ARHGEF11: variants seen among roughly 807,000 people sequenced by gnomAD.
ARHGEF11 encodes the protein Rho guanine nucleotide exchange factor 11.
Under a neutral mutation model 193.7 loss-of-function variants are expected in ARHGEF11, and 55 were observed. The observed-to-expected ratio is 0.28, with a 90% CI of 0.23 to 0.36. ARHGEF11 has a LOEUF of 0.36. Ranked by LOEUF, ARHGEF11 falls within the 10% of genes least tolerant of loss-of-function variation. The pLI, the probability that ARHGEF11 is intolerant of heterozygous loss-of-function variation, is 1.00. For synonymous variants in ARHGEF11, 693 were observed against 768.0 expected (o/e 0.90, Z 1.62); for missense variants, 1,723 against 2,005.6 (o/e 0.86, Z 2.69).
intron 30 of ARHGEF11, among the ~76,000 whole-genome samples, 193 bp downstream of exon 30, chr1:156,944,826 G>A (rs1463836913): frequency 6.6e-6 from 1 of 152,204 alleles, no homozygotes; most frequent in Non-Finnish European, 1.5e-5. Flanking sequence ...TCTTTCTTAG[G>A]TGGGGCGGCC....
At chr1:157,017,752 A>G (rs149610785) in intron 1 of ARHGEF11, among the ~76,000 whole-genome samples, 1 of 151,774 alleles carries the variant, frequency 6.6e-6, no homozygotes, top group East Asian at 1.9e-4. Flanking sequence ...AGAGGATTTA[A>G]TAATTTCTTT....
chr1:156,991,679 T>G (rs1665725566), intron 1 of ARHGEF11, among the ~76,000 whole-genome samples: 1 of 151,378 alleles, frequency 6.6e-6, no homozygotes, highest in African/African-American at 2.4e-5. Context: ...ATATTTGTAC[T>G]GAATTTTAGG....
chr1:156,985,570 C>A (rs566335523), intron 2 of ARHGEF11, among the ~76,000 whole-genome samples: 1 of 151,928 alleles, frequency 6.6e-6, no homozygotes, highest in Admixed American at 6.6e-5. Context: ...ACTACAGGCA[C>A]GCACCACCAC....
At chr1:156,942,295 A>C (rs1382024630) in intron 33 of ARHGEF11, among the ~76,000 whole-genome samples, 11 of 152,250 alleles carry the variant, frequency 7.2e-5, no homozygotes, top group Admixed American at 7.2e-4. Flanking sequence ...GTTGGGAAAC[A>C]GTCTGACTCA....
chr1:157,002,425 C>G (rs1166610147), intron 1 of ARHGEF11, among the ~76,000 whole-genome samples: 4 of 152,180 alleles, frequency 2.6e-5, no homozygotes, highest in African/African-American at 9.7e-5. Flanking sequence ...CTCTAGTGCT[C>G]CAAACAGCCC....
intron 3 of ARHGEF11, among the ~76,000 whole-genome samples, chr1:156,982,688 C>T (rs757316196): frequency 6.6e-6 from 1 of 152,186 alleles, no homozygotes; most frequent in Non-Finnish European, 1.5e-5. Context: ...GAGAGCTGAA[C>T]CTTGACTTCA....
At position 156,939,786 on chromosome 1, in the gene ARHGEF11, G is replaced by A. The variant is rs1168948661; in HGVS notation, c.3858C>T (p.His1286=). ...GCCCTGGGGAGCCTGGGTCCCAGGG[G>A]TGAGAGGTGACGCTGATGACAGAAG... ...PTPSVISVTS[H]PWDPGSPGQA... The change falls in exon 37 of 41, where the codon CAC becomes CAT. Residue 1286 remains histidine, a synonymous_variant. Transcript: ENST00000368194. 6.2e-7 allele frequency: 1 copy of A among 1,613,970 alleles called. No individual in the cohort carries two copies. The highest frequency in any genetic ancestry group is 1.7e-5 in the Admixed American group (1 of 60,002).
chr1:156,951,391 C>T (rs768963792), intron 22 of ARHGEF11, among the ~76,000 whole-genome samples, 182 bp downstream of exon 22: 1 of 152,168 alleles, frequency 6.6e-6, no homozygotes, highest in Non-Finnish European at 1.5e-5. Context: ...TGCTCTTCCA[C>T]TGGCCTGTTC....
intron 1 of ARHGEF11, among the ~76,000 whole-genome samples, chr1:157,042,356 G>A (rs1352933221): frequency 6.6e-6 from 1 of 152,174 alleles, no homozygotes; most frequent in Non-Finnish European, 1.5e-5. Context: ...AGAGAAAGGA[G>A]AAAACGGTGC....
intron 32 of ARHGEF11, 107 bp from the exon 33 acceptor site, chr1:156,942,887 AGAT>A (rs1657335531): frequency 9.2e-6 from 8 of 871,128 alleles, no homozygotes; most frequent in Non-Finnish European, 1.5e-5. Context: ...CCCTCAACGC[AGAT>A]GGAGAGTGCA....
intron 1 of ARHGEF11, among the ~76,000 whole-genome samples, chr1:157,002,059 G>A (rs549427561): frequency 1.3e-5 from 2 of 152,242 alleles, no homozygotes; most frequent in East Asian, 1.9e-4. Context: ...GAAGCGGGGC[G>A]GTGAAATGAT....
chr1:156,995,767 C>A (rs559089482), intron 1 of ARHGEF11, among the ~76,000 whole-genome samples: 1 of 149,396 alleles, frequency 6.7e-6, no homozygotes, highest in African/African-American at 2.5e-5. Context: ...TGGTCTCAAA[C>A]TCCTGGGCAC....
intron 11 of ARHGEF11, among the ~76,000 whole-genome samples, chr1:156,965,997 G>A (rs1043119599): frequency 6.6e-5 from 10 of 152,162 alleles, no homozygotes; most frequent in African/African-American, 2.2e-4. Context: ...TGCCTACAGA[G>A]ATAAAGCATA....
chr1:156,967,161 A>T (rs1661783941), intron 11 of ARHGEF11, among the ~76,000 whole-genome samples: 1 of 152,238 alleles, frequency 6.6e-6, no homozygotes. Context: ...TTTACAGTGT[A>T]TCATGATGCT....
At chr1:157,007,630 C>CGTACGATTTTTGGTTGAG (rs1667986899) in intron 1 of ARHGEF11, among the ~76,000 whole-genome samples, 1 of 152,052 alleles carries the variant, frequency 6.6e-6, no homozygotes, top group Admixed American at 6.6e-5. Flanking sequence ...ACAAGGCTAC[C>CGTACGATTTTTGGTTGAG]GTACGATTTT....
At chr1:157,037,610 G>A (rs924161348) in intron 1 of ARHGEF11, among the ~76,000 whole-genome samples, 3 of 152,096 alleles carry the variant, frequency 2.0e-5, no homozygotes, top group African/African-American at 7.2e-5. Flanking sequence ...CTCTGCCTTT[G>A]ACTATTCTTA....
chr1:156,937,064 G>A (rs1400894986), intron 39 of ARHGEF11, 59 bp from the exon 40 acceptor site: 12 of 1,588,942 alleles, frequency 7.6e-6, no homozygotes, highest in Non-Finnish European at 1.0e-5. Context: ...GGCCCCTGGG[G>A]AAGGGGTCTG....
intron 35 of ARHGEF11, 96 bp downstream of exon 35, chr1:156,941,276 C>T: frequency 8.5e-7 from 1 of 1,169,740 alleles, no homozygotes; most frequent in Non-Finnish European, 1.3e-6. Context: ...ACCCCGGGCC[C>T]TGATGGACTC....
At position 156,956,351 on chromosome 1, in the gene ARHGEF11, G is replaced by A; in HGVS notation, c.1671+69C>T. 1.9e-6 allele frequency: 3 copies of A among 1,553,150 alleles called. No individual in the cohort carries two copies. In the Admixed American group the frequency reaches 5.1e-5, roughly 26 times the overall value. ...GGCTGGTCTCGAACTCCTGAGCTCA[G>A]GCAATCACCCGCCTTGGCATTCCAA... On this transcript the variant is annotated intron_variant, in intron 19 of 40. Transcript: ENST00000368194.
Sources: gnomAD v4.1 joint callset for allele counts (sites outside exome capture counted in the v4.1 genomes callset) on GRCh38, gnomAD v4.1.1 for gene constraint, MANE v1.5 for transcripts, NCBI Gene and HGNC (gene_info 2026-07-23, HGNC 2026-07-21) for gene names.